The following RGS6 variants were observed in gnomAD, a reference collection of about 807,000 sequenced individuals.
RGS6 encodes the protein regulator of G protein signaling 6, also known as regulator of G-protein signaling 6.
RGS6 carries 30 observed loss-of-function variants against 78.5 expected under a neutral mutation model. That is an observed-to-expected ratio of 0.38 (90% confidence interval 0.29 to 0.52). RGS6 has a LOEUF of 0.52. RGS6 is among the 20% of genes least tolerant of loss of function. The pLI is 0.85. For missense variants in RGS6, 495 were observed against 609.7 expected, an observed-to-expected ratio of 0.81 and a Z score of 1.98; for synonymous variants, 206 against 206.0, an observed-to-expected ratio of 1.00 and a Z score of 0.00.
At chr14:72,233,903 T>C (rs906940981) in intron 2 of RGS6, among the ~76,000 whole-genome samples, 14 of 152,118 alleles carry the variant, frequency 9.2e-5, no homozygotes, top group African/African-American at 3.1e-4. Context: ...GGTGATGGGG[T>C]GAAGGACCGA....
chr14:72,550,849 G>GT lies in RGS6; in HGVS notation c.1422+10763dup, dbSNP rs200300400. Among the ~76,000 whole-genome samples, 572 of 151,662 alleles carry GT rather than the reference G, an allele frequency of 3.8e-3. 4 individuals are homozygous for GT. The highest frequency in any genetic ancestry group is 0.012 in the African/African-American group (510 of 41,358). On this transcript the variant is annotated intron_variant, in intron 17 of 17. Coordinates refer to ENST00000553525, the MANE Select transcript of RGS6 (RefSeq NM_001204424.2). ...GTTTTGGTTTGGTTTTTGGGGGGGT[G>GT]TTTTTTTTGAGACAGAGCCTCGCTT...
chr14:72,053,084 CCTTCCTTCCTT>C (rs1567107658), intron 2 of RGS6, among the ~76,000 whole-genome samples: 97 of 28,982 alleles, frequency 3.3e-3, no homozygotes, highest in Admixed American at 5.7e-3. Flanking sequence ...TCCCTCCCTT[CCTTCCTTCCTT>C]CCTTCCTTCC....
intron 2 of RGS6, among the ~76,000 whole-genome samples, chr14:72,268,262 A>G (rs1301337379): frequency 6.6e-6 from 1 of 152,174 alleles, no homozygotes. Context: ...ACCGAAGAAC[A>G]AGCTGCAGTC....
intron 2 of RGS6, among the ~76,000 whole-genome samples, chr14:72,041,160 T>C (rs11848472): frequency 0.12 from 17,691 of 152,134 alleles, 1,039 homozygotes; most frequent in East Asian, 0.17. Flanking sequence ...TGATTTTTGC[T>C]GGGATTTGGG....
intron 2 of RGS6, among the ~76,000 whole-genome samples, chr14:72,122,583 A>G (rs2096075913): frequency 6.6e-6 from 1 of 152,092 alleles, no homozygotes; most frequent in Non-Finnish European, 1.5e-5. Context: ...TCCCTAGTGA[A>G]ACTGATTTCC....
intron 2 of RGS6, among the ~76,000 whole-genome samples, chr14:72,113,567 G>A (rs949836207): frequency 6.6e-6 from 1 of 152,204 alleles, no homozygotes. Context: ...TGTTCTAACA[G>A]TTTGCTACTG....
chr14:72,595,692 C>A, the RGS6 span, among the ~76,000 whole-genome samples: 3 of 152,132 alleles, frequency 2.0e-5, no homozygotes, highest in Non-Finnish European at 4.4e-5. Flanking sequence ...CTACTCTTCA[C>A]CAAGGATCTG....
intron 1 of RGS6, among the ~76,000 whole-genome samples, chr14:71,956,494 A>C (rs544868411): frequency 1.3e-5 from 2 of 152,184 alleles, no homozygotes; most frequent in South Asian, 4.2e-4. Flanking sequence ...AGGAAGAAGG[A>C]GAGCCAGTCC....
At chr14:72,456,363 T>C (rs2095630237) in intron 4 of RGS6, among the ~76,000 whole-genome samples, 1 of 152,240 alleles carries the variant, frequency 6.6e-6, no homozygotes, top group Non-Finnish European at 1.5e-5. Context: ...CGAGCATAGC[T>C]CACTGCAGCC....
Position 72,425,927 on chromosome 14 carries a change from AT to A in RGS6, c.185-28600del, listed in dbSNP as rs1227741531. On this transcript the variant is annotated intron_variant, in intron 3 of 17. Coordinates refer to ENST00000553525, the MANE Select transcript of RGS6 (RefSeq NM_001204424.2). ...ACGCTATCGTACTAGAATATTAAAAATGAAGAAGGTAGGGAAAAGAGAAAGA... is the reference window on the plus strand; with the variant it reads ...ACGCTATCGTACTAGAATATTAAAAAGAAGAAGGTAGGGAAAAGAGAAAGA... Among the ~76,000 whole-genome samples, 7 of 152,338 alleles carry A rather than the reference AT, an allele frequency of 4.6e-5. No homozygotes were observed. In the East Asian group the frequency reaches 1.4e-3, roughly 29 times the overall value.
At position 72,489,756 on chromosome 14, in the gene RGS6, G is replaced by A. The variant is rs921876588; in HGVS notation, c.855-5396G>A. Reference sequence around the variant, plus strand: ...AAGGCGAGGTGAGACGAGGCGAGGCGAGGTGAAATTATCCCCTAGAGCCTT... The same window carrying A: ...AAGGCGAGGTGAGACGAGGCGAGGCAAGGTGAAATTATCCCCTAGAGCCTT... On this transcript the variant is annotated intron_variant, in intron 12 of 17. Coordinates refer to ENST00000553525, the MANE Select transcript of RGS6 (RefSeq NM_001204424.2). 3.5e-5 allele frequency among the ~76,000 whole-genome samples: 5 copies of A among 144,710 alleles called. No individual in the cohort carries two copies. In the East Asian group the frequency reaches 6.0e-4, roughly 17 times the overall value. The allele number at this position is 144,710 out of a possible 152,430, so 94.9% of individuals were successfully genotyped here.
At chr14:72,231,088 A>T (rs779148024) in intron 2 of RGS6, among the ~76,000 whole-genome samples, 1 of 152,146 alleles carries the variant, frequency 6.6e-6, no homozygotes, top group Non-Finnish European at 1.5e-5. Flanking sequence ...GGCTGGGGTC[A>T]CTGGAGTCTC....
chr14:72,196,852 C>A (rs764199199), intron 2 of RGS6, among the ~76,000 whole-genome samples: 15 of 152,194 alleles, frequency 9.9e-5, no homozygotes, highest in Non-Finnish European at 1.0e-4. Context: ...GCTGATGTAG[C>A]CGCTTCATGC....
At position 72,275,225 on chromosome 14, in the gene RGS6, T is replaced by C. The variant is rs186036364; in HGVS notation, c.85-76870T>C. ...CTAAAAAATATCTTTAATGAACACA[T>C]ATTAATTTTGTGATTAAATGACACA... On this transcript the variant is annotated intron_variant, in intron 2 of 17. Transcript: ENST00000553525. 5.9e-5 allele frequency among the ~76,000 whole-genome samples: 9 copies of C among 152,364 alleles called. No homozygotes were observed. The East Asian group carries it at 1.5e-3, about 26-fold the overall frequency.
At chr14:72,486,155 T>A (rs141666040) in intron 12 of RGS6, among the ~76,000 whole-genome samples, 133 of 152,280 alleles carry the variant, frequency 8.7e-4, no homozygotes, top group African/African-American at 3.1e-3. Flanking sequence ...AAGAAGGACA[T>A]GTTTGCTTCC....
intron 3 of RGS6, among the ~76,000 whole-genome samples, chr14:72,435,364 T>C (rs1245623874): frequency 2.6e-5 from 4 of 152,212 alleles, no homozygotes; most frequent in African/African-American, 9.6e-5. Context: ...CTTCCTTCCT[T>C]AGTAATAAAA....
At chr14:72,430,840 C>T (rs1156780957) in intron 3 of RGS6, among the ~76,000 whole-genome samples, 1 of 152,172 alleles carries the variant, frequency 6.6e-6, no homozygotes, top group Non-Finnish European at 1.5e-5. Flanking sequence ...AGGGTTGCAA[C>T]CATGGCTTTA....
At chr14:72,470,651 G>GC (rs367778700) in intron 8 of RGS6, among the ~76,000 whole-genome samples, 1 of 151,932 alleles carries the variant, frequency 6.6e-6, no homozygotes, top group East Asian at 1.9e-4. Context: ...ACCGAGGTGG[G>GC]GGTGGATCAC....
Position 72,327,877 on chromosome 14 carries a change from G to A in RGS6, c.85-24218G>A, listed in dbSNP as rs563479625. 7.2e-5 allele frequency among the ~76,000 whole-genome samples: 11 copies of A among 152,132 alleles called. No individual in the cohort carries two copies. In the East Asian group the frequency reaches 2.1e-3, roughly 29 times the overall value. The stretch of plus-strand genomic sequence containing the variant: ...TAGGTTCTCCAGAGAAACAGAATAG[G>A]ATTTACGTTATATATAACAATAGGA... On this transcript the variant is annotated intron_variant, in intron 2 of 17. Coordinates refer to ENST00000553525, the MANE Select transcript of RGS6 (RefSeq NM_001204424.2).
Sources: gnomAD v4.1 joint callset for allele counts (sites outside exome capture counted in the v4.1 genomes callset) on GRCh38, gnomAD v4.1.1 for gene constraint, MANE v1.5 for transcripts, NCBI Gene and HGNC (gene_info 2026-07-23, HGNC 2026-07-21) for gene names.